The following PRKN variants were observed in gnomAD, a reference collection of about 807,000 sequenced individuals.
The protein encoded by PRKN is parkin RBR E3 ubiquitin protein ligase, also known as E3 ubiquitin-protein ligase parkin.
A neutral mutation model predicts 59.5 loss-of-function variants in PRKN; 56 were observed. The observed-to-expected ratio is 0.94, with a 90% CI of 0.76 to 1.18. The LOEUF is 1.18. Ranked by LOEUF, PRKN falls within the 50% of genes most tolerant of loss-of-function variation. PRKN has a pLI of 0.00. For synonymous variants in PRKN, 250 were observed against 222.1 expected, an observed-to-expected ratio of 1.13 and a Z score of -1.12; for missense variants, 657 against 596.4, an observed-to-expected ratio of 1.10 and a Z score of -1.06.
Position 161,428,410 on chromosome 6 carries a change from G to A in PRKN, c.1084-41533C>T, listed in dbSNP as rs554487068. 2.0e-5 allele frequency among the ~76,000 whole-genome samples: 3 copies of A among 152,258 alleles called. No homozygotes were observed. Among genetic ancestry groups the A allele is most frequent in the South Asian group, 4.1e-4 (2 of 4,828 alleles). On this transcript the variant is annotated intron_variant, in intron 9 of 11. Transcript: ENST00000366898. This position sits in a 1 kb window ranked among gnomAD's most constrained non-coding sequence, Gnocchi z 4.0. ...TGCAGACAGAAGCCTGCCATCCGCC[G>A]GAGTCTGTGAGCTTCAGGGTCCACA...
At position 162,397,758 on chromosome 6, in the gene PRKN, C is replaced by T. The variant is rs1010316435; in HGVS notation, c.171+45552G>A. On this transcript the variant is annotated intron_variant, in intron 2 of 11. Coordinates refer to ENST00000366898, the MANE Select transcript of PRKN (RefSeq NM_004562.3). ...GGCAGTAGAAATGTAAGATTTTGGC[C>T]GGTCACAGTGGCTCATGCCTGTAAT... 3.9e-5 allele frequency among the ~76,000 whole-genome samples: 6 copies of T among 152,182 alleles called. No homozygotes were observed. In the South Asian group the frequency reaches 6.2e-4, roughly 16 times the overall value.
Position 161,447,596 on chromosome 6 carries a change from C to T in PRKN, c.1084-60719G>A, listed in dbSNP as rs745776092. On this transcript the variant is annotated intron_variant, in intron 9 of 11. Coordinates refer to ENST00000366898, the MANE Select transcript of PRKN (RefSeq NM_004562.3). This position sits in a 1 kb window ranked among gnomAD's most constrained non-coding sequence, Gnocchi z 4.1. ...GCAACCTCCGCCTCCCGGGTTCAAGCGATGCTCCTGCCTCAGCCTCCCGAG... is the reference window on the plus strand; with the variant it reads ...GCAACCTCCGCCTCCCGGGTTCAAGTGATGCTCCTGCCTCAGCCTCCCGAG... 3.3e-5 allele frequency among the ~76,000 whole-genome samples: 5 copies of T among 152,072 alleles called. No homozygotes were observed. Among genetic ancestry groups the T allele is most frequent in the Non-Finnish European group, 4.4e-5 (3 of 68,008 alleles).
intron 4 of PRKN, among the ~76,000 whole-genome samples, chr6:162,170,594 G>T (rs748262415): frequency 6.6e-6 from 1 of 152,220 alleles, no homozygotes; most frequent in Non-Finnish European, 1.5e-5. Flanking sequence ...ACACATCCTT[G>T]AAATATTAGA....
intron 2 of PRKN, among the ~76,000 whole-genome samples, chr6:162,361,362 G>C (rs140671455): frequency 6.6e-6 from 1 of 152,010 alleles, no homozygotes; most frequent in South Asian, 2.1e-4. Context: ...ATGAGGTCAC[G>C]AGGATGAGGT....
chr6:161,427,723 A>G (rs1788446324), intron 9 of PRKN, among the ~76,000 whole-genome samples: 1 of 152,172 alleles, frequency 6.6e-6, no homozygotes, highest in African/African-American at 2.4e-5. Flanking sequence ...TGAGGTTGGA[A>G]GTATTCAAAT....
intron 2 of PRKN, among the ~76,000 whole-genome samples, chr6:162,360,514 C>T (rs142791255): frequency 3.3e-5 from 5 of 152,164 alleles, no homozygotes; most frequent in African/African-American, 9.6e-5. Flanking sequence ...TGTCTACTCT[C>T]GATACAGTCA....
At chr6:161,623,474 A>G (rs1782980368) in intron 7 of PRKN, among the ~76,000 whole-genome samples, 2 of 152,256 alleles carry the variant, frequency 1.3e-5, no homozygotes, top group Admixed American at 1.3e-4. Context: ...CAGTATAAAT[A>G]TTATCCTCAA....
In PRKN at chr6:161,579,075, T is replaced by C. The variant is rs946228693; in HGVS notation, c.872-9659A>G. Among the ~76,000 whole-genome samples, 3 of 152,218 alleles carry C rather than the reference T, an allele frequency of 2.0e-5. No homozygotes were observed. Among genetic ancestry groups the C allele is most frequent in the African/African-American group, 7.2e-5 (3 of 41,448 alleles). On this transcript the variant is annotated intron_variant, in intron 7 of 11. Transcript: ENST00000366898. The surrounding 1 kb of genome is among the most constrained non-coding windows in gnomAD (Gnocchi z 4.2). Reference sequence around the variant, plus strand: ...CTCTCAGAGTGAAAAGGGATCCTTATCCATTATTTTCTTTCTCCTGCTGCT... The same window carrying C: ...CTCTCAGAGTGAAAAGGGATCCTTACCCATTATTTTCTTTCTCCTGCTGCT...
chr6:162,502,847 A>G (rs1258318521), intron 1 of PRKN, among the ~76,000 whole-genome samples: 1 of 152,136 alleles, frequency 6.6e-6, no homozygotes, highest in East Asian at 1.9e-4. Flanking sequence ...TTTGGAATAA[A>G]TCCAGCAGAA....
chr6:161,967,649 A>C (rs1307217518), intron 6 of PRKN, among the ~76,000 whole-genome samples: 1 of 152,252 alleles, frequency 6.6e-6, no homozygotes, highest in Non-Finnish European at 1.5e-5. Context: ...CTGACAACCG[A>C]AATGAGTGAC....
At chr6:162,000,251 C>T (rs760270659) in intron 5 of PRKN, among the ~76,000 whole-genome samples, 10 of 152,210 alleles carry the variant, frequency 6.6e-5, no homozygotes, top group South Asian at 2.1e-4. Flanking sequence ...GACCATATTG[C>T]GTTCCCATCA....
At chr6:162,686,242 AG>A (rs1373124962) in intron 1 of PRKN, among the ~76,000 whole-genome samples, 3 of 152,216 alleles carry the variant, frequency 2.0e-5, no homozygotes. Context: ...GAAAACTTAA[AG>A]GGTCAGATTC....
chr6:162,104,130 CAGTT>C (rs1472455153), intron 4 of PRKN, among the ~76,000 whole-genome samples: 1 of 152,162 alleles, frequency 6.6e-6, no homozygotes, highest in Non-Finnish European at 1.5e-5. Flanking sequence ...CTGCATGACT[CAGTT>C]TGTTTGTCTT....
At chr6:161,760,532 G>A (rs911306421) in intron 7 of PRKN, among the ~76,000 whole-genome samples, 2 of 151,932 alleles carry the variant, frequency 1.3e-5, no homozygotes, top group Non-Finnish European at 2.9e-5. Flanking sequence ...CCTCCTGTGT[G>A]GAACCCGAGA....
chr6:162,236,932 A>G (rs559139034), intron 3 of PRKN, among the ~76,000 whole-genome samples: 1 of 151,848 alleles, frequency 6.6e-6, no homozygotes, highest in Non-Finnish European at 1.5e-5. Context: ...GAAAGAAGAA[A>G]GAAAAGAAAA....
At chr6:161,384,540 T>C (rs1207359927) in intron 10 of PRKN, among the ~76,000 whole-genome samples, 1 of 152,086 alleles carries the variant, frequency 6.6e-6, no homozygotes, top group Non-Finnish European at 1.5e-5. Context: ...GAGACCCTGG[T>C]TCAAAAAAAA....
At chr6:162,487,997 A>G (rs1364705964) in intron 1 of PRKN, among the ~76,000 whole-genome samples, 1 of 151,182 alleles carries the variant, frequency 6.6e-6, no homozygotes, top group Non-Finnish European at 1.5e-5. Context: ...CCTCCCAGAC[A>G]TAAGAACAGA....
chr6:161,657,657 T>A (rs1377979920), intron 7 of PRKN, among the ~76,000 whole-genome samples: 2 of 152,150 alleles, frequency 1.3e-5, no homozygotes, highest in Non-Finnish European at 2.9e-5. Context: ...CTGCTTCTGT[T>A]TCTTGACACA....
chr6:161,536,606 C>T (rs544976490), intron 9 of PRKN, among the ~76,000 whole-genome samples: 1 of 152,146 alleles, frequency 6.6e-6, no homozygotes. Flanking sequence ...GCAAGCAGTT[C>T]TGTTTGTACA....
Sources: gnomAD v4.1 joint callset for allele counts (sites outside exome capture counted in the v4.1 genomes callset) on GRCh38, gnomAD v4.1.1 for gene constraint, Gnocchi (gnomAD v3.1) non-coding constraint, MANE v1.5 for transcripts, NCBI Gene and HGNC (gene_info 2026-07-23, HGNC 2026-07-21) for gene names.